The following OPCML variants were observed in gnomAD, a reference collection of about 807,000 sequenced individuals.
OPCML encodes the protein opioid binding protein/cell adhesion molecule like, also known as opioid-binding protein/cell adhesion molecule.
Under a neutral mutation model 37.8 loss-of-function variants are expected in OPCML, and 13 were observed. The ratio of observed to expected loss-of-function variants is 0.34; its 90% CI spans 0.22 to 0.55. The LOEUF is 0.55. Ranked by LOEUF, OPCML falls within the 20% of genes least tolerant of loss-of-function variation. OPCML has a pLI of 0.91. For missense variants in OPCML, 341 were observed against 435.6 expected (o/e 0.78, Z 1.93); for synonymous variants, 176 against 168.8 (o/e 1.04, Z -0.33).
chr11:132,735,157 A>G (rs1159858460), intron 2 of OPCML, among the ~76,000 whole-genome samples: 1 of 152,204 alleles, frequency 6.6e-6, no homozygotes. Flanking sequence ...GAATCTCTAG[A>G]TGGTGCTTGA....
intron 1 of OPCML, chr11:133,298,351 A>G (rs946152734): frequency 3.3e-5 from 5 of 152,252 alleles, no homozygotes; most frequent in Admixed American, 6.5e-5. Context: ...AGTAAGAAAG[A>G]CAGAAAATGG....
intron 3 of OPCML, among the ~76,000 whole-genome samples, chr11:132,642,933 C>T (rs530987156): frequency 6.6e-6 from 1 of 152,182 alleles, no homozygotes; most frequent in South Asian, 2.1e-4. Context: ...GTTGAATATA[C>T]CTCAAAATTA....
chr11:132,956,543 C>G (rs1249341825), intron 1 of OPCML, among the ~76,000 whole-genome samples: 2 of 152,138 alleles, frequency 1.3e-5, no homozygotes, highest in Non-Finnish European at 2.9e-5. Flanking sequence ...AAACCTCAAA[C>G]ATTTTGGTAG....
chr11:133,095,782 C>T (rs1222125453), intron 1 of OPCML, among the ~76,000 whole-genome samples: 1 of 151,050 alleles, frequency 6.6e-6, no homozygotes, highest in Non-Finnish European at 1.5e-5. Context: ...TCTCAGAAAC[C>T]ATGTAAGTAC....
chr11:132,743,228 T>C (rs1053291211), intron 2 of OPCML, among the ~76,000 whole-genome samples: 3 of 152,150 alleles, frequency 2.0e-5, no homozygotes, highest in Non-Finnish European at 4.4e-5. Flanking sequence ...ATAATGTTGG[T>C]TATTACTTCA....
At chr11:133,010,175 C>G (rs1212752571) in intron 1 of OPCML, among the ~76,000 whole-genome samples, 1 of 152,204 alleles carries the variant, frequency 6.6e-6, no homozygotes, top group East Asian at 1.9e-4. Context: ...TGGGAGTTGG[C>G]TTTATGGGGA....
chr11:133,147,837 A>T (rs568163047), intron 1 of OPCML, among the ~76,000 whole-genome samples: 1 of 152,282 alleles, frequency 6.6e-6, no homozygotes, highest in South Asian at 2.1e-4. Flanking sequence ...ATACTCAGCT[A>T]GTTCATAACC....
chr11:132,961,068 T>C (rs1343088229), intron 1 of OPCML, among the ~76,000 whole-genome samples: 3 of 152,174 alleles, frequency 2.0e-5, no homozygotes, highest in Non-Finnish European at 4.4e-5. Context: ...CTTCTTCAAG[T>C]AGCAAGGGTC....
intron 2 of OPCML, among the ~76,000 whole-genome samples, chr11:132,846,780 ACTTCT>A (rs1485091752): frequency 6.6e-6 from 1 of 152,148 alleles, no homozygotes; most frequent in Non-Finnish European, 1.5e-5. Flanking sequence ...AATTTTGTAA[ACTTCT>A]AGTGACAGGG....
chr11:133,310,229 T>C (rs1023750529), intron 1 of OPCML, among the ~76,000 whole-genome samples: 1 of 152,164 alleles, frequency 6.6e-6, no homozygotes, highest in African/African-American at 2.4e-5. Flanking sequence ...CAACTTAGTA[T>C]TTGCCTGGAA....
At chr11:133,068,240 T>C (rs1030748274) in intron 1 of OPCML, 5 of 152,240 alleles carry the variant, frequency 3.3e-5, no homozygotes, top group Middle Eastern at 3.2e-3. Flanking sequence ...TTCTGGTTTA[T>C]TGGGAATAGA....
At chr11:133,329,429 A>C (rs539657990) in intron 1 of OPCML, among the ~76,000 whole-genome samples, 2 of 152,324 alleles carry the variant, frequency 1.3e-5, no homozygotes, top group African/African-American at 4.8e-5. Flanking sequence ...CCTGACTTCA[A>C]ACTATACTAT....
chr11:132,446,291 T>G (rs1013177001), intron 4 of OPCML, among the ~76,000 whole-genome samples: 2 of 147,694 alleles, frequency 1.4e-5, no homozygotes, highest in African/African-American at 2.5e-5. Flanking sequence ...GTGCAGTATG[T>G]GTGCCAGAAA....
At chr11:133,383,963 C>G (rs1004754466) in intron 1 of OPCML, among the ~76,000 whole-genome samples, 3 of 152,030 alleles carry the variant, frequency 2.0e-5, no homozygotes, top group Admixed American at 6.6e-5. Flanking sequence ...GGACTCCTCT[C>G]CCTACGCACA....
At chr11:132,806,177 G>C (rs1938996182) in intron 2 of OPCML, among the ~76,000 whole-genome samples, 1 of 152,044 alleles carries the variant, frequency 6.6e-6, no homozygotes, top group Non-Finnish European at 1.5e-5. Flanking sequence ...ATAGGAGGCT[G>C]GGAAGGGAAA....
intron 1 of OPCML, among the ~76,000 whole-genome samples, chr11:133,468,002 A>C (rs551013371): frequency 6.6e-6 from 1 of 152,320 alleles, no homozygotes; most frequent in Admixed American, 6.5e-5. Flanking sequence ...CCTCTACAGT[A>C]GGGATGGCAA....
At chr11:132,493,255 A>T (rs1196824493) in intron 4 of OPCML, among the ~76,000 whole-genome samples, 1 of 152,174 alleles carries the variant, frequency 6.6e-6, no homozygotes, top group African/African-American at 2.4e-5. Context: ...TAGAATGAGC[A>T]CAAAAGTAGA....
At chr11:132,439,809 A>C (rs552710118) in intron 4 of OPCML, among the ~76,000 whole-genome samples, 29 of 152,112 alleles carry the variant, frequency 1.9e-4, no homozygotes, top group Non-Finnish European at 3.2e-4. Flanking sequence ...TTTTGCCATG[A>C]GTAATTAAAT....
intron 1 of OPCML, among the ~76,000 whole-genome samples, chr11:133,347,783 ACTTCAG>A (rs1172748629): frequency 1.3e-5 from 2 of 152,184 alleles, no homozygotes; most frequent in South Asian, 4.1e-4. Context: ...TGTATCATTC[ACTTCAG>A]CAATAAATAT....
Sources: allele counts gnomAD v4.1 joint callset (sites outside exome capture counted in the v4.1 genomes callset), GRCh38; gene constraint gnomAD v4.1.1; transcripts MANE v1.5; gene names NCBI Gene and HGNC (gene_info 2026-07-23, HGNC 2026-07-21).